Variants in ARPC4 observed in about 807,000 individuals in gnomAD.
ARPC4 encodes the protein actin related protein 2/3 complex subunit 4.
In ARPC4, 3 loss-of-function variants were observed where a neutral mutation model predicts 22.8. That is an observed-to-expected ratio of 0.13 (90% CI 0.06 to 0.34). ARPC4 has a LOEUF of 0.34. ARPC4 is among the 10% of genes least tolerant of loss of function. The pLI is 1.00. For missense variants in ARPC4, 98 were observed against 211.0 expected (o/e 0.46, Z 3.32); for synonymous variants, 80 against 72.5 (o/e 1.10, Z -0.52).
intron 1 of ARPC4, among the ~76,000 whole-genome samples, chr3:9,796,290 A>C (rs1386718231): frequency 1.3e-5 from 2 of 152,222 alleles, no homozygotes; most frequent in South Asian, 2.1e-4. Context: ...GCTACTCGGG[A>C]GGCTGAAGCA....
chr3:9,806,075 G>A (rs571353815), intron 5 of ARPC4, 135 bp from the exon 6 acceptor site: 21 of 994,048 alleles, frequency 2.1e-5, no homozygotes, highest in Non-Finnish European at 3.4e-5. Flanking sequence ...ATGACCACAA[G>A]GTGTCCTGGG....
chr3:9,793,143 C>T lies in ARPC4; in HGVS notation c.3+19C>T, dbSNP rs889421209. On this transcript the variant is annotated intron_variant, in intron 1 of 5. Coordinates refer to ENST00000397261, the MANE Select transcript of ARPC4 (RefSeq NM_005718.5). ...CGCGATGGTGAGAGAGCCGGGCCCC[C>T]GGCCAGGGACCCCCGGCTGTTCGGC... The T allele has an allele frequency of 8.4e-6, 13 of 1,539,788 alleles. No homozygotes were observed. The highest frequency in any genetic ancestry group is 4.9e-5 in the East Asian group (2 of 40,436).
chr3:9,793,061 G>A (rs2078783676), upstream of ARPC4: 6 of 1,544,996 alleles, frequency 3.9e-6, no homozygotes, highest in Admixed American at 1.2e-4. Context: ...TCGCGAAAGG[G>A]CAGGCATCGC....
intron 1 of ARPC4, among the ~76,000 whole-genome samples, chr3:9,796,095 C>G (rs780827248): frequency 4.7e-5 from 7 of 149,788 alleles, no homozygotes; most frequent in African/African-American, 7.4e-5. Flanking sequence ...GACTCTGTCT[C>G]AAAAAAAAAT....
Position 9,801,840 on chromosome 3 carries a change from C to T in ARPC4, c.330+84C>T. The T allele has an allele frequency of 2.2e-6, 3 of 1,365,212 alleles. No individual in the cohort carries two copies. In the South Asian group the frequency reaches 4.2e-5, roughly 19 times the overall value. The allele number at this position is 1,365,212 out of a possible 1,614,324, so 84.6% of individuals were successfully genotyped here. ...GGATTGTTTCTAGAACCAGCTACTC[C>T]AGCTGTTTGGCACCCACTGCCTGAA... On this transcript the variant is annotated intron_variant, in intron 4 of 5. Coordinates refer to ENST00000397261, the MANE Select transcript of ARPC4 (RefSeq NM_005718.5).
upstream of ARPC4, chr3:9,792,630 C>T (rs906167738): frequency 7.3e-6 from 9 of 1,231,128 alleles, no homozygotes; most frequent in African/African-American, 1.4e-4. Context: ...CGGGGCACAG[C>T]CCGGGGCGGG....
rs2078945518 is a variant in ARPC4, at chr3:9,798,636, G to A, written c.122+859G>A. Among the ~76,000 whole-genome samples, 3 of 152,132 alleles carry A rather than the reference G, an allele frequency of 2.0e-5. 1 individual carries two copies. The South Asian group carries it at 6.2e-4, about 31-fold the overall frequency. On this transcript the variant is annotated intron_variant, in intron 2 of 5. Transcript: ENST00000397261. ...CACGCCTGTAATCCCAGCACTTTGG[G>A]AGGCCGAGGCAGACAGATTATGAGG...
In ARPC4 at chr3:9,806,592, G is replaced by T. The variant is rs2079110631; in HGVS notation, c.*377G>T. The T allele has an allele frequency of 1.1e-5, 3 of 274,086 alleles. No homozygotes were observed. Among genetic ancestry groups the T allele is most frequent in the African/African-American group, 7.0e-5 (3 of 42,568 alleles). The allele number at this position is 274,086 out of a possible 1,614,324, so 17.0% of individuals were successfully genotyped here. The stretch of plus-strand genomic sequence containing the variant: ...TCCCAGTGATTATACGTTATTGGTT[G>T]CTGTGGGTCTGGGCGGGCCTGGAGC... On this transcript the variant is annotated 3_prime_UTR_variant, in exon 6 of 6. Transcript: ENST00000397261.
In ARPC4 at chr3:9,800,136, C is replaced by G. The variant is rs372738847; in HGVS notation, c.123-49C>G. The G allele has an allele frequency of 9.4e-6, 15 of 1,596,882 alleles. 1 individual carries two copies. The African/African-American group carries it at 2.0e-4, about 21-fold the overall frequency. ...CAGGACCTGCGTGGGGTCACTCTGA[C>G]TATTCTATCCCTCTGTAGTACAAGT... On this transcript the variant is annotated intron_variant, in intron 2 of 5. Coordinates refer to ENST00000397261, the MANE Select transcript of ARPC4 (RefSeq NM_005718.5).
chr3:9,797,942 A>G (rs1057476326), intron 2 of ARPC4, 165 bp downstream of exon 2: 2 of 733,354 alleles, frequency 2.7e-6, no homozygotes, highest in African/African-American at 3.5e-5. Flanking sequence ...AGTTAAGAAA[A>G]TAGGGTCAGT....
intron 5 of ARPC4, among the ~76,000 whole-genome samples, chr3:9,804,420 C>T (rs1057305987): frequency 6.6e-6 from 1 of 152,204 alleles, no homozygotes; most frequent in African/African-American, 2.4e-5. Context: ...TCAGTACTTT[C>T]CTTCAGCATG....
At chr3:9,795,895 A>C (rs2078872380) in intron 1 of ARPC4, among the ~76,000 whole-genome samples, 1 of 152,224 alleles carries the variant, frequency 6.6e-6, no homozygotes, top group African/African-American at 2.4e-5. Flanking sequence ...CAGGAGTTTG[A>C]GACCAGCCTG....
At position 9,796,499 on chromosome 3, in the gene ARPC4, G is replaced by A. The variant is rs1318198151; in HGVS notation, c.4-1160G>A. The stretch of plus-strand genomic sequence containing the variant: ...CTCTCAAGAGGCCTTCCTTAATTAA[G>A]CTGAGATCTGGAGGATGACTTAGGC... On this transcript the variant is annotated intron_variant, in intron 1 of 5. Coordinates refer to ENST00000397261, the MANE Select transcript of ARPC4 (RefSeq NM_005718.5). Among the ~76,000 whole-genome samples, 3 of 152,178 alleles carry A rather than the reference G, an allele frequency of 2.0e-5. 1 individual carries two copies. The highest frequency in any genetic ancestry group is 4.4e-5 in the Non-Finnish European group (3 of 68,032).
At position 9,801,740 on chromosome 3, in the gene ARPC4, G is replaced by A; in HGVS notation, c.314G>A (p.Arg105Gln). The A allele has an allele frequency of 6.2e-7, 1 of 1,603,286 alleles. No individual in the cohort carries two copies. The highest frequency in any genetic ancestry group is 8.5e-7 in the Non-Finnish European group (1 of 1,173,390). The change falls in exon 4 of 6, where the codon CGA (arginine) becomes CAA (glutamine). Residue 105 changes from arginine (R) to glutamine (Q), a missense_variant. Physicochemically the swap from Arg to Gln is conservative, Grantham distance 43. Coordinates refer to ENST00000397261, the MANE Select transcript of ARPC4 (RefSeq NM_005718.5). ...MMRAENFFIL[R>Q]RKPVEGYDIS... The stretch of plus-strand genomic sequence containing the variant: ...CGAGCAGAGAACTTCTTTATCCTTC[G>A]AAGGAAGCCTGTGGAGGTGAGACCC...
At chr3:9,803,023 A>G (rs567533906) in intron 4 of ARPC4, among the ~76,000 whole-genome samples, 29 of 152,010 alleles carry the variant, frequency 1.9e-4, no homozygotes, top group Non-Finnish European at 3.5e-4. Context: ...AGCTGGGACT[A>G]CAGGTGCCCG....
At chr3:9,797,201 A>T (rs1023143253) in intron 1 of ARPC4, among the ~76,000 whole-genome samples, 1 of 152,170 alleles carries the variant, frequency 6.6e-6, no homozygotes, top group African/African-American at 2.4e-5. Flanking sequence ...TGTTGGCCTA[A>T]TAGATTGACG....
intron 1 of ARPC4, among the ~76,000 whole-genome samples, chr3:9,796,896 G>C (rs552002342): frequency 2.8e-5 from 4 of 143,492 alleles, no homozygotes; most frequent in African/African-American, 7.8e-5. Context: ...AGCCGAGATC[G>C]TGCCACCGCG....
At chr3:9,806,159 A>C (rs760975404) in intron 5 of ARPC4, 51 bp from the exon 6 acceptor site, 1 of 1,607,066 alleles carries the variant, frequency 6.2e-7, no homozygotes, top group Non-Finnish European at 8.5e-7. Context: ...GAGCAGTGCC[A>C]CCAGGATGCA....
upstream of ARPC4, chr3:9,792,770 G>C: frequency 8.0e-7 from 1 of 1,248,642 alleles, no homozygotes; most frequent in Non-Finnish European, 1.0e-6. Flanking sequence ...CGTCCGCTTC[G>C]GCTTGTCCTA....
Sources: gnomAD v4.1 joint callset for allele counts (sites outside exome capture counted in the v4.1 genomes callset) on GRCh38, gnomAD v4.1.1 for gene constraint, MANE v1.5 for transcripts, NCBI Gene and HGNC (gene_info 2026-07-23, HGNC 2026-07-21) for gene names.